Variants in SNX29 observed in about 807,000 individuals in gnomAD.
The protein encoded by SNX29 is sorting nexin 29, also known as sorting nexin-29.
SNX29 carries 78 observed loss-of-function variants against 102.1 expected under a neutral mutation model. The observed-to-expected ratio is 0.76, with a 90% CI of 0.64 to 0.92. The LOEUF (loss-of-function observed/expected upper bound fraction) is 0.92. Among genes scored for constraint, SNX29 ranks in the 40% least tolerant of loss-of-function variants. The pLI is 0.00. For synonymous variants in SNX29, 580 were observed against 414.5 expected (o/e 1.40, Z -4.85); for missense variants, 1,280 against 1,061.7 (o/e 1.21, Z -2.86).
At chr16:12,534,767 C>G (rs1185205019) in intron 20 of SNX29, among the ~76,000 whole-genome samples, 2 of 152,344 alleles carry the variant, frequency 1.3e-5, no homozygotes, top group African/African-American at 2.4e-5. Flanking sequence ...CTTTCTGCGT[C>G]TACCCCTCTG....
chr16:12,511,528 C>T lies in SNX29; in HGVS notation c.2179-13174C>T, dbSNP rs142844170. Among the ~76,000 whole-genome samples, 109 of 152,262 alleles carry T rather than the reference C, an allele frequency of 7.2e-4. 4 individuals are homozygous for T. The South Asian group carries it at 0.019, about 27-fold the overall frequency. ...ACGTGTGAGGAGAGTGTAACTGGGC[C>T]TTCAGCTCCGTGTGGAGCCCTTGTT... On this transcript the variant is annotated intron_variant, in intron 19 of 20. Transcript: ENST00000566228.
At chr16:12,516,527 G>A (rs1173066765) in intron 19 of SNX29, among the ~76,000 whole-genome samples, 1 of 151,258 alleles carries the variant, frequency 6.6e-6, no homozygotes, top group Non-Finnish European at 1.5e-5. Context: ...TCATAGCCAG[G>A]AGGCCTTGTT....
chr16:12,547,641 A>G (rs1310242455), intron 20 of SNX29, among the ~76,000 whole-genome samples: 1 of 151,936 alleles, frequency 6.6e-6, no homozygotes, highest in Non-Finnish European at 1.5e-5. Flanking sequence ...TGGGATGGAG[A>G]TATGATTCCC....
intron 14 of SNX29, among the ~76,000 whole-genome samples, chr16:12,234,138 G>T (rs1194557004): frequency 1.3e-5 from 2 of 152,100 alleles, no homozygotes; most frequent in African/African-American, 4.8e-5. Context: ...GGGTCAAAGC[G>T]GCTGTACCTT....
chr16:12,035,970 A>C (rs1445859672), intron 4 of SNX29, among the ~76,000 whole-genome samples: 1 of 152,182 alleles, frequency 6.6e-6, no homozygotes, highest in Non-Finnish European at 1.5e-5. Context: ...CGAGTTCAAA[A>C]GGTTGGAGAT....
At chr16:12,058,652 C>T (rs1210979001) in intron 8 of SNX29, among the ~76,000 whole-genome samples, 3 of 151,356 alleles carry the variant, frequency 2.0e-5, no homozygotes, top group East Asian at 1.9e-4. Context: ...CACCACCACG[C>T]CCTGCTAAGT....
intron 16 of SNX29, among the ~76,000 whole-genome samples, chr16:12,385,699 A>G (rs1195758039): frequency 1.3e-5 from 2 of 152,256 alleles, no homozygotes; most frequent in Non-Finnish European, 2.9e-5. Flanking sequence ...GCTCTAGGCC[A>G]CTTAGCTATA....
chr16:12,227,458 A>G (rs2077645251), intron 14 of SNX29, among the ~76,000 whole-genome samples: 1 of 152,188 alleles, frequency 6.6e-6, no homozygotes, highest in Non-Finnish European at 1.5e-5. Flanking sequence ...ATAGCAGTTG[A>G]AGGCTGAAAG....
intron 11 of SNX29, among the ~76,000 whole-genome samples, chr16:12,114,633 CTGG>C: frequency 6.6e-6 from 1 of 151,514 alleles, no homozygotes; most frequent in African/African-American, 2.4e-5. Context: ...GCTGCCTAGG[CTGG>C]AGTGCAGTGG....
At chr16:12,335,615 G>T (rs1326017408) in intron 15 of SNX29, among the ~76,000 whole-genome samples, 3 of 152,168 alleles carry the variant, frequency 2.0e-5, no homozygotes, top group Non-Finnish European at 2.9e-5. Context: ...ATTTGAGGCT[G>T]CAGTGAGCTA....
At chr16:12,467,172 ATTC>A (rs1345102798) in intron 18 of SNX29, among the ~76,000 whole-genome samples, 1 of 152,150 alleles carries the variant, frequency 6.6e-6, no homozygotes, top group Admixed American at 6.5e-5. Context: ...AGAGTTGCAA[ATTC>A]TTCTCCATCA....
At chr16:12,565,365 C>T (rs925671929) in intron 20 of SNX29, among the ~76,000 whole-genome samples, 2 of 152,206 alleles carry the variant, frequency 1.3e-5, no homozygotes, top group East Asian at 1.9e-4. Flanking sequence ...ACTGAAGCCC[C>T]TGGTCTAGCC....
At chr16:12,129,835 T>A in intron 13 of SNX29, 77 bp downstream of exon 13, 1 of 1,470,698 alleles carries the variant, frequency 6.8e-7, no homozygotes, top group Non-Finnish European at 9.1e-7. Flanking sequence ...CCGGGCACGG[T>A]GGCTCATGCC....
At chr16:12,336,080 T>C (rs2081440468) in intron 15 of SNX29, among the ~76,000 whole-genome samples, 1 of 152,188 alleles carries the variant, frequency 6.6e-6, no homozygotes, top group South Asian at 2.1e-4. Flanking sequence ...AAGAACCAGC[T>C]GGCATTTTGG....
chr16:12,225,476 C>G (rs973633242), intron 14 of SNX29, among the ~76,000 whole-genome samples: 1 of 152,170 alleles, frequency 6.6e-6, no homozygotes, highest in African/African-American at 2.4e-5. Flanking sequence ...CCTGCACAAG[C>G]TCTCTCTCTT....
chr16:12,461,474 A>C (rs2086772826), intron 18 of SNX29, among the ~76,000 whole-genome samples: 1 of 152,194 alleles, frequency 6.6e-6, no homozygotes, highest in African/African-American at 2.4e-5. Flanking sequence ...TCTCCAAGAC[A>C]AATGGAAACT....
Position 12,568,955 on chromosome 16 carries a change from A to C in SNX29, c.*326A>C, listed in dbSNP as rs1461714198. On this transcript the variant is annotated 3_prime_UTR_variant, in exon 21 of 21. Transcript: ENST00000566228. The stretch of plus-strand genomic sequence containing the variant: ...CTGGCAGGAGGGTGGGCACCAGGTC[A>C]GGCTGGGTGCGCCATGGTTGAGAGG... 7.8e-6 allele frequency: 3 copies of C among 384,816 alleles called. No homozygotes were observed. Among genetic ancestry groups the C allele is most frequent in the Non-Finnish European group, 1.4e-5 (3 of 213,296 alleles). The allele number at this position is 384,816 out of a possible 1,614,324, so 23.8% of individuals were successfully genotyped here.
chr16:12,534,745 C>G (rs1369739531), intron 20 of SNX29, among the ~76,000 whole-genome samples: 3 of 152,178 alleles, frequency 2.0e-5, no homozygotes, highest in African/African-American at 4.8e-5. Context: ...CCTACTAAAC[C>G]CAAGTGGCTT....
chr16:12,494,598 GCCC>G (rs1046807414), intron 19 of SNX29, among the ~76,000 whole-genome samples: 2 of 152,216 alleles, frequency 1.3e-5, no homozygotes, highest in African/African-American at 2.4e-5. Flanking sequence ...TTGCTGAGGA[GCCC>G]ATCTTCTCTA....
Sources: allele counts gnomAD v4.1 joint callset (sites outside exome capture counted in the v4.1 genomes callset), GRCh38; gene constraint gnomAD v4.1.1; transcripts MANE v1.5; gene names NCBI Gene and HGNC (gene_info 2026-07-23, HGNC 2026-07-21).